PIEZO2: variants seen among roughly 807,000 people sequenced by gnomAD.
PIEZO2 encodes piezo-type mechanosensitive ion channel component 2.
Under a neutral mutation model 337.3 loss-of-function variants are expected in PIEZO2, and 172 were observed. The ratio of observed to expected loss-of-function variants is 0.51; its 90% confidence interval spans 0.45 to 0.58. The LOEUF (loss-of-function observed/expected upper bound fraction) is 0.58. PIEZO2 is among the 20% of genes least tolerant of loss of function. The pLI, the probability that PIEZO2 is intolerant of heterozygous loss-of-function variation, is 0.00. For synonymous variants in PIEZO2, 1,251 were observed against 1,228.5 expected (o/e 1.02, Z -0.38); for missense variants, 3,028 against 3,391.3 (o/e 0.89, Z 2.66).
intron 3 of PIEZO2, among the ~76,000 whole-genome samples, chr18:10,975,478 G>A (rs2034407504): frequency 6.6e-6 from 1 of 151,478 alleles, no homozygotes; most frequent in Non-Finnish European, 1.5e-5. Flanking sequence ...GGAAATGAGG[G>A]GAAAAAAAAA....
chr18:10,748,707 T>C lies in PIEZO2; in HGVS notation c.4265-77A>G, dbSNP rs2037523026. ...TAATTTTATAAAATCTGAGGTATGGTCAGGCTTGGGAAATATAGGCATAAA... is the reference window on the plus strand; with the variant it reads ...TAATTTTATAAAATCTGAGGTATGGCCAGGCTTGGGAAATATAGGCATAAA... On this transcript the variant is annotated intron_variant, in intron 29 of 55. Transcript: ENST00000674853. The surrounding 1 kb of genome is among the most constrained non-coding windows in gnomAD (Gnocchi z 5.1). The C allele has an allele frequency of 7.5e-7, 1 of 1,330,258 alleles. No homozygotes were observed. The highest frequency in any genetic ancestry group is 1.6e-5 in the South Asian group (1 of 63,238). 82.4% of individuals were successfully genotyped at this position (1,330,258 alleles called of 1,614,324 possible). A position where few individuals can be genotyped will look rare whatever the true frequency, so the allele number is the denominator to read the frequency against.
intron 44 of PIEZO2, 121 bp downstream of exon 44, chr18:10,698,804 A>G (rs908441349): frequency 5.4e-6 from 7 of 1,294,946 alleles, no homozygotes; most frequent in South Asian, 4.4e-5. Context: ...TTCTTTTCAC[A>G]TAACAATGTC....
At chr18:10,749,339 T>TGTG (rs2037555234) in intron 29 of PIEZO2, among the ~76,000 whole-genome samples, 1 of 152,042 alleles carries the variant, frequency 6.6e-6, no homozygotes. Context: ...AGGCAGCTAC[T>TGTG]GTGGTCCCAG....
intron 2 of PIEZO2, among the ~76,000 whole-genome samples, chr18:11,054,303 A>T (rs918898444): frequency 2.2e-4 from 33 of 152,222 alleles, no homozygotes; most frequent in African/African-American, 8.0e-4. Flanking sequence ...AATTAAATCT[A>T]AAAGCCAAAT....
In PIEZO2 at chr18:10,862,900, G is replaced by A. The variant is rs1194012926; in HGVS notation, c.493-5689C>T. On this transcript the variant is annotated intron_variant, in intron 5 of 55. Transcript: ENST00000674853. The surrounding 1 kb of genome is among the most constrained non-coding windows in gnomAD (Gnocchi z 4.4). Reference sequence around the variant, plus strand: ...CATATCCTAGCAGACTCCCTTATTTGGAAAATAGATTGAAATAAATTATCT... The same window carrying A: ...CATATCCTAGCAGACTCCCTTATTTAGAAAATAGATTGAAATAAATTATCT... 6.6e-6 allele frequency among the ~76,000 whole-genome samples: 1 copy of A among 152,142 alleles called. No homozygotes were observed. The highest frequency in any genetic ancestry group is 1.5e-5 in the Non-Finnish European group (1 of 68,034).
At chr18:10,717,434 A>G (rs2036055500) in intron 37 of PIEZO2, among the ~76,000 whole-genome samples, 1 of 143,378 alleles carries the variant, frequency 7.0e-6, no homozygotes, top group African/African-American at 3.0e-5. Context: ...GTGGGGACAT[A>G]AAGAGCCTGA....
At position 10,681,651 on chromosome 18, in the gene PIEZO2, A is replaced by T. The variant is rs2034269049; in HGVS notation, c.7779+10T>A. On this transcript the variant is annotated intron_variant, in intron 51 of 55. Coordinates refer to ENST00000674853, the MANE Select transcript of PIEZO2 (RefSeq NM_001378183.1). ...GTCTTCACAGAAATCTACTATAGGG[A>T]TTTACTTACGGTGTCCCTAGAAAAA... 6.4e-7 allele frequency: 1 copy of T among 1,562,318 alleles called. No homozygotes were observed. Among genetic ancestry groups the T allele is most frequent in the East Asian group, 2.2e-5 (1 of 44,596 alleles).
In PIEZO2 at chr18:10,715,803, C is replaced by T; in HGVS notation, c.5103G>A (p.Lys1701=). 2.0e-6 allele frequency: 3 copies of T among 1,527,428 alleles called. No individual in the cohort carries two copies. The highest frequency in any genetic ancestry group is 2.6e-6 in the Non-Finnish European group (3 of 1,140,404). 94.6% of individuals were successfully genotyped at this position (1,527,428 alleles called of 1,614,324 possible). A position where few individuals can be genotyped will look rare whatever the true frequency, so the allele number is the denominator to read the frequency against. ...KKSDGPDNII[K]RIFNILKFTW... ...TAAATTTCAAAATATTAAATATCCT[C>T]TTGATGATATTATCTAGGAGGAAGA... is the stretch of plus-strand genomic sequence containing the variant. The change falls in exon 38 of 56, where the codon AAG becomes AAA. Residue 1701 remains lysine (K), a synonymous_variant. Coordinates refer to ENST00000674853, the MANE Select transcript of PIEZO2 (RefSeq NM_001378183.1).
chr18:10,763,407 T>C, intron 21 of PIEZO2: 1 of 282,184 alleles, frequency 3.5e-6, no homozygotes, highest in Non-Finnish European at 6.6e-6. Flanking sequence ...CTTGGTCCAA[T>C]GTGGAGGTCA....
rs895386897 is a variant in PIEZO2 at position 11,148,654 on chromosome 18, A to C, written c.-66T>G. On this transcript the variant is annotated 5_prime_UTR_variant, in exon 1 of 56. Coordinates refer to ENST00000674853, the MANE Select transcript of PIEZO2 (RefSeq NM_001378183.1). This position sits in a 1 kb window ranked among gnomAD's most constrained non-coding sequence, Gnocchi z 5.2. ...AGGGTCCCTAGGGGTGGTGGGACGC[A>C]AGGCCCATGCCCGTCTATGGCCTCT... The C allele has an allele frequency of 5.4e-5, 80 of 1,494,652 alleles. 1 individual carries two copies. The Middle Eastern group carries it at 8.7e-4, about 16-fold the overall frequency. 92.6% of individuals were successfully genotyped at this position (1,494,652 alleles called of 1,614,324 possible).
chr18:11,108,418 A>T lies in PIEZO2; in HGVS notation c.64+40107T>A, dbSNP rs527400851. On this transcript the variant is annotated intron_variant, in intron 1 of 55. Transcript: ENST00000674853. ...ATCACGAGGTCAGGAGATCGAGACC[A>T]TCCTGGCTAACACGGTGAAACCTCG... Among the ~76,000 whole-genome samples the T allele has an allele frequency of 3.2e-3, 482 of 151,762 alleles. 3 individuals carry two copies. Among genetic ancestry groups the T allele is most frequent in the African/African-American group, 0.011 (447 of 41,380 alleles).
intron 42 of PIEZO2, among the ~76,000 whole-genome samples, chr18:10,702,961 C>G (rs977041213): frequency 7.9e-5 from 12 of 152,180 alleles, no homozygotes; most frequent in Admixed American, 3.3e-4. Flanking sequence ...GTGCAATCCT[C>G]CCACCTCTGC....
rs1028320269 is a variant in PIEZO2 at position 10,671,375 on chromosome 18, T to C, written c.*152A>G. On this transcript the variant is annotated 3_prime_UTR_variant, in exon 56 of 56. Transcript: ENST00000674853. ...GTGCCTTAACTTGCAAGGTAGCTTT[T>C]ACTGCAGAAGGATATCAGCTCCTTT... The C allele has an allele frequency of 7.8e-6, 6 of 773,008 alleles. No homozygotes were observed. Among genetic ancestry groups the C allele is most frequent in the African/African-American group, 1.8e-5 (1 of 56,228 alleles). 47.9% of individuals were successfully genotyped at this position (773,008 alleles called of 1,614,324 possible). A position where few individuals can be genotyped will look rare whatever the true frequency, so the allele number is the denominator to read the frequency against.
At chr18:10,871,156 C>T in intron 5 of PIEZO2, 97 bp downstream of exon 5, 1 of 1,231,628 alleles carries the variant, frequency 8.1e-7, no homozygotes, top group African/African-American at 1.5e-5. Flanking sequence ...TCATAACGTG[C>T]TCTGTATGCT....
chr18:10,908,153 A>C (rs143583099), intron 4 of PIEZO2, among the ~76,000 whole-genome samples: 1 of 152,248 alleles, frequency 6.6e-6, no homozygotes, highest in Non-Finnish European at 1.5e-5. Flanking sequence ...ACAACTGAAC[A>C]ACATCTCAGG....
In PIEZO2 at chr18:11,024,532, C is replaced by A. The variant is rs1343359242; in HGVS notation, c.160+41595G>T. Among the ~76,000 whole-genome samples, 3 of 118,904 alleles carry A rather than the reference C, an allele frequency of 2.5e-5. 1 individual carries two copies. In the South Asian group the frequency reaches 7.8e-4, roughly 31 times the overall value. The allele number at this position is 118,904 out of a possible 152,430, so 78.0% of individuals were successfully genotyped here. On this transcript the variant is annotated intron_variant, in intron 2 of 55. Transcript: ENST00000674853. Reference sequence around the variant, plus strand: ...CTGCACTCCAGCCTGGGCGACAGAGCGAGACTCTGTCTCAGAAAAAAAAAA... The same window carrying A: ...CTGCACTCCAGCCTGGGCGACAGAGAGAGACTCTGTCTCAGAAAAAAAAAA...
intron 7 of PIEZO2, among the ~76,000 whole-genome samples, chr18:10,807,963 CTG>C (rs930031629): frequency 5.3e-5 from 8 of 152,236 alleles, no homozygotes; most frequent in African/African-American, 1.7e-4. Flanking sequence ...TAATGGAAAA[CTG>C]TGTAAAATAT....
chr18:10,746,335 C>T lies in PIEZO2; in HGVS notation c.4425-2104G>A, dbSNP rs2037420695. 6.6e-6 allele frequency among the ~76,000 whole-genome samples: 1 copy of T among 152,248 alleles called. No homozygotes were observed. Among genetic ancestry groups the T allele is most frequent in the Non-Finnish European group, 1.5e-5 (1 of 68,048 alleles). Reference sequence around the variant, plus strand: ...CCTGGAGCTTATCACTCACCACTCACTGTCCTCATCTTCCAATCTCAGCGC... The same window carrying T: ...CCTGGAGCTTATCACTCACCACTCATTGTCCTCATCTTCCAATCTCAGCGC... On this transcript the variant is annotated intron_variant, in intron 30 of 55. Transcript: ENST00000674853. This position sits in a 1 kb window ranked among gnomAD's most constrained non-coding sequence, Gnocchi z 4.2.
chr18:11,010,601 T>C (rs151327755), intron 2 of PIEZO2, among the ~76,000 whole-genome samples: 17 of 152,320 alleles, frequency 1.1e-4, no homozygotes, highest in African/African-American at 3.8e-4. Context: ...TATTCTCTAG[T>C]CCTGTTTTTT....
Sources: gnomAD v4.1 joint callset for allele counts (sites outside exome capture counted in the v4.1 genomes callset) on GRCh38, gnomAD v4.1.1 for gene constraint, Gnocchi (gnomAD v3.1) non-coding constraint, MANE v1.5 for transcripts, NCBI Gene and HGNC (gene_info 2026-07-23, HGNC 2026-07-21) for gene names.